NXPE2: variants seen among roughly 807,000 people sequenced by gnomAD.
NXPE2 encodes the protein neurexophilin and PC-esterase domain family member 2, also known as NXPE family member 2.
Under a neutral mutation model 34.4 loss-of-function variants are expected in NXPE2, and 34 were observed. The observed-to-expected ratio is 0.99, with a 90% CI of 0.75 to 1.31. NXPE2 has a LOEUF of 1.31. Ranked by LOEUF, NXPE2 falls within the 40% of genes most tolerant of loss-of-function variation. The pLI is 0.00. For missense variants in NXPE2, 649 were observed against 672.5 expected, an observed-to-expected ratio of 0.97 and a Z score of 0.39; for synonymous variants, 235 against 231.3, an observed-to-expected ratio of 1.02 and a Z score of -0.15.
At chr11:114,691,517 T>C (rs116836060) in intron 2 of NXPE2, among the ~76,000 whole-genome samples, 2,231 of 152,252 alleles carry the variant, frequency 0.015, 42 homozygotes, top group African/African-American at 0.051. Context: ...AATTGGGAAG[T>C]GTGAATCGTG....
the NXPE2 span, among the ~76,000 whole-genome samples, chr11:114,632,710 ATAT>A: frequency 2.7e-5 from 2 of 75,094 alleles, no homozygotes; most frequent in African/African-American, 5.3e-5. Context: ...ATATAATATA[ATAT>A]AATATATATA....
At chr11:114,536,820 C>G in the NXPE2 span, among the ~76,000 whole-genome samples, 1 of 152,052 alleles carries the variant, frequency 6.6e-6, no homozygotes, top group African/African-American at 2.4e-5. Flanking sequence ...AGTCCAGGAC[C>G]AGATGGATTC....
At chr11:114,583,140 G>A in the NXPE2 span, 1 of 1,098,566 alleles carries the variant, frequency 9.1e-7, no homozygotes, top group Non-Finnish European at 1.3e-6. Context: ...TACTTATTGT[G>A]ATTTTGAATA....
chr11:114,577,011 A>T, the NXPE2 span, among the ~76,000 whole-genome samples: 3 of 48,988 alleles, frequency 6.1e-5, no homozygotes, highest in African/African-American at 1.9e-4. Context: ...ATATAAAGTT[A>T]TATATATATA....
At chr11:114,635,674 A>G in the NXPE2 span, among the ~76,000 whole-genome samples, 1 of 151,806 alleles carries the variant, frequency 6.6e-6, no homozygotes, top group Admixed American at 6.6e-5. Flanking sequence ...TTTAGCCTGA[A>G]GTATTGTTGA....
chr11:114,591,720 A>C, the NXPE2 span, among the ~76,000 whole-genome samples: 2 of 152,124 alleles, frequency 1.3e-5, no homozygotes, highest in East Asian at 3.8e-4. Context: ...AATATACCTC[A>C]AAACAATAAA....
At chr11:114,768,458 G>T in the NXPE2 span, among the ~76,000 whole-genome samples, 2 of 152,246 alleles carry the variant, frequency 1.3e-5, no homozygotes, top group African/African-American at 2.4e-5. Flanking sequence ...AAAGTCAATG[G>T]TTGCTTGATG....
At chr11:114,615,313 T>A in the NXPE2 span, among the ~76,000 whole-genome samples, 6 of 151,932 alleles carry the variant, frequency 3.9e-5, no homozygotes, top group Non-Finnish European at 5.9e-5. Flanking sequence ...TATTGCCTTG[T>A]GGGTAACCAC....
the NXPE2 span, among the ~76,000 whole-genome samples, chr11:114,654,319 T>C: frequency 6.6e-6 from 1 of 152,092 alleles, no homozygotes; most frequent in Non-Finnish European, 1.5e-5. Flanking sequence ...AGGAAAGTTG[T>C]TTAAAATCTT....
At chr11:114,630,228 C>G in the NXPE2 span, among the ~76,000 whole-genome samples, 5 of 151,672 alleles carry the variant, frequency 3.3e-5, no homozygotes, top group Non-Finnish European at 7.4e-5. Flanking sequence ...AATCCTGAGT[C>G]AAAAGAACAA....
At chr11:114,501,079 A>T in the NXPE2 span, among the ~76,000 whole-genome samples, 2 of 152,218 alleles carry the variant, frequency 1.3e-5, no homozygotes, top group African/African-American at 4.8e-5. Context: ...GAAAACCATT[A>T]TTTTAGGGCC....
chr11:114,548,728 AC>A, the NXPE2 span, among the ~76,000 whole-genome samples: 1 of 152,016 alleles, frequency 6.6e-6, no homozygotes, highest in African/African-American at 2.4e-5. Flanking sequence ...AATGAATTAA[AC>A]ACCCAGTTAA....
At chr11:114,582,164 T>C in the NXPE2 span, 1 of 1,013,586 alleles carries the variant, frequency 9.9e-7, no homozygotes, top group Non-Finnish European at 1.4e-6. Context: ...TCACAGATCC[T>C]TTCCCCAAAG....
chr11:114,769,733 T>C, the NXPE2 span, among the ~76,000 whole-genome samples: 3 of 152,160 alleles, frequency 2.0e-5, no homozygotes, highest in Non-Finnish European at 4.4e-5. Flanking sequence ...AAACACTGCA[T>C]GTTCTCAATC....
chr11:114,547,047 C>T, the NXPE2 span, among the ~76,000 whole-genome samples: 1 of 152,026 alleles, frequency 6.6e-6, no homozygotes, highest in African/African-American at 2.4e-5. Flanking sequence ...GCAGATTCTC[C>T]CCACTCAAGG....
At chr11:114,768,043 C>A in the NXPE2 span, among the ~76,000 whole-genome samples, 2 of 152,004 alleles carry the variant, frequency 1.3e-5, no homozygotes, top group Non-Finnish European at 2.9e-5. Context: ...TAGCAAAGAA[C>A]CTGGAACATT....
chr11:114,652,138 A>G, the NXPE2 span, among the ~76,000 whole-genome samples: 1 of 152,122 alleles, frequency 6.6e-6, no homozygotes, highest in East Asian at 1.9e-4. Flanking sequence ...TGGCCAATGC[A>G]CTCTAGTAAG....
At chr11:114,750,528 A>G in the NXPE2 span, among the ~76,000 whole-genome samples, 356 of 152,256 alleles carry the variant, frequency 2.3e-3, no homozygotes, top group Non-Finnish European at 3.2e-3. Flanking sequence ...GCAAAGTTCT[A>G]ATTCTTAAAT....
the NXPE2 span, among the ~76,000 whole-genome samples, chr11:114,643,891 A>G: frequency 6.6e-6 from 1 of 152,078 alleles, no homozygotes; most frequent in Non-Finnish European, 1.5e-5. Context: ...CTTCCTATTC[A>G]TGAGCATGGA....
Sources: allele counts gnomAD v4.1 joint callset (sites outside exome capture counted in the v4.1 genomes callset), GRCh38; gene constraint gnomAD v4.1.1; transcripts MANE v1.5; gene names NCBI Gene and HGNC (gene_info 2026-07-23, HGNC 2026-07-21).